The following GPD1L variants were observed in gnomAD, a reference collection of about 807,000 sequenced individuals.
GPD1L encodes the protein glycerol-3-phosphate dehydrogenase 1 like, also known as glycerol-3-phosphate dehydrogenase 1-like protein.
GPD1L carries 17 observed loss-of-function variants against 32.9 expected under a neutral mutation model. That is an observed-to-expected ratio of 0.52 (90% CI 0.35 to 0.78). GPD1L has a LOEUF of 0.78. GPD1L is among the 30% of genes least tolerant of loss of function. GPD1L has a pLI of 0.01. For synonymous variants in GPD1L, 187 were observed against 165.9 expected, an observed-to-expected ratio of 1.13 and a Z score of -0.98; for missense variants, 361 against 447.8, an observed-to-expected ratio of 0.81 and a Z score of 1.75.
rs549339926 is a variant in GPD1L at position 32,131,994 on chromosome 3, T to A, written c.225+3741T>A. 3.9e-5 allele frequency among the ~76,000 whole-genome samples: 6 copies of A among 152,362 alleles called. No homozygotes were observed. In the South Asian group the frequency reaches 1.2e-3, roughly 32 times the overall value. On this transcript the variant is annotated intron_variant, in intron 2 of 7. Coordinates refer to ENST00000282541, the MANE Select transcript of GPD1L (RefSeq NM_015141.4). Reference sequence around the variant, plus strand: ...AACCATGTTGAGCATCTTGTGCTTATTGTCACTTGTATATCTTTGGAGAAA... The same window carrying A: ...AACCATGTTGAGCATCTTGTGCTTAATGTCACTTGTATATCTTTGGAGAAA...
At position 32,166,172 on chromosome 3, in the gene GPD1L, T is replaced by C; in HGVS notation, c.*262T>C. 1 of 507,732 alleles carries C rather than the reference T, an allele frequency of 2.0e-6. No homozygotes were observed. The highest frequency in any genetic ancestry group is 3.6e-6 in the Non-Finnish European group (1 of 281,568). 31.5% of individuals were successfully genotyped at this position (507,732 alleles called of 1,614,324 possible). A position where few individuals can be genotyped will look rare whatever the true frequency, so the allele number is the denominator to read the frequency against. ...TGTTTCTATGAGCCAAAATTTGATG[T>C]CTTTTTTTCAAAATTGCTTATGAAA... On this transcript the variant is annotated 3_prime_UTR_variant, in exon 8 of 8. Coordinates refer to ENST00000282541, the MANE Select transcript of GPD1L (RefSeq NM_015141.4).
intron 5 of GPD1L, among the ~76,000 whole-genome samples, chr3:32,153,230 C>G (rs1014914276): frequency 9.2e-5 from 14 of 152,136 alleles, no homozygotes; most frequent in African/African-American, 3.1e-4. Context: ...AGGGCCACTG[C>G]TCGCCCAAAA....
intron 1 of GPD1L, among the ~76,000 whole-genome samples, chr3:32,112,540 G>A (rs1280664446): frequency 6.6e-6 from 1 of 152,170 alleles, no homozygotes; most frequent in Non-Finnish European, 1.5e-5. Context: ...GGGAGGCTAA[G>A]GCAGGAGAAT....
At chr3:32,120,007 G>A (rs1700386581) in intron 1 of GPD1L, among the ~76,000 whole-genome samples, 1 of 152,180 alleles carries the variant, frequency 6.6e-6, no homozygotes. Context: ...TTTAAAGAGA[G>A]TTTAATTAAG....
intron 4 of GPD1L, among the ~76,000 whole-genome samples, chr3:32,144,612 G>A (rs897520880): frequency 1.3e-5 from 2 of 152,086 alleles, no homozygotes; most frequent in Non-Finnish European, 2.9e-5. Flanking sequence ...ATGGCTGTCC[G>A]GCATTAGCTG....
At chr3:32,121,521 C>A (rs28532139) in intron 1 of GPD1L, among the ~76,000 whole-genome samples, 5,124 of 36,644 alleles carry the variant, frequency 0.14, 922 homozygotes, top group African/African-American at 0.38. Context: ...ATATTTCTCT[C>A]TATATATATT....
chr3:32,146,179 T>C (rs1700821504), intron 4 of GPD1L, among the ~76,000 whole-genome samples: 2 of 150,758 alleles, frequency 1.3e-5, no homozygotes, highest in African/African-American at 4.9e-5. Context: ...CTCCACCTCC[T>C]GGGTTCAAGC....
chr3:32,153,142 G>C lies in GPD1L; in HGVS notation c.619-5734G>C, dbSNP rs113106984. ...GGGCTGTTCTGCAGTTCTAATTGCT[G>C]GGCATGTAGGTTTGCTCCAGGGCTT... On this transcript the variant is annotated intron_variant, in intron 5 of 7. Coordinates refer to ENST00000282541, the MANE Select transcript of GPD1L (RefSeq NM_015141.4). Among the ~76,000 whole-genome samples, 1,053 of 152,292 alleles carry C rather than the reference G, an allele frequency of 6.9e-3. 6 individuals are homozygous for C. The highest frequency in any genetic ancestry group is 0.014 in the Middle Eastern group (4 of 294).
chr3:32,164,904 G>A (rs1290919155), intron 7 of GPD1L, among the ~76,000 whole-genome samples: 2 of 152,130 alleles, frequency 1.3e-5, no homozygotes, highest in Non-Finnish European at 2.9e-5. Flanking sequence ...AGCTATGTGT[G>A]TGTGTGTATT....
At chr3:32,116,619 G>T (rs189778773) in intron 1 of GPD1L, among the ~76,000 whole-genome samples, 1 of 152,034 alleles carries the variant, frequency 6.6e-6, no homozygotes, top group Non-Finnish European at 1.5e-5. Flanking sequence ...TTGGGGTGGG[G>T]ACTGACAGCA....
intron 5 of GPD1L, chr3:32,158,309 A>AG (rs1701022284): frequency 6.2e-6 from 1 of 161,068 alleles, no homozygotes; most frequent in Non-Finnish European, 1.4e-5. Context: ...ATTCACAAAA[A>AG]GTTGAAAGGC....
chr3:32,121,828 T>A (rs1480075491), intron 1 of GPD1L, among the ~76,000 whole-genome samples: 1 of 150,126 alleles, frequency 6.7e-6, no homozygotes, highest in Non-Finnish European at 1.5e-5. Flanking sequence ...TGGAGTGCAG[T>A]GGTGTGATTT....
chr3:32,136,817 C>G (rs1443316290), intron 2 of GPD1L, among the ~76,000 whole-genome samples: 1 of 151,908 alleles, frequency 6.6e-6, no homozygotes, highest in African/African-American at 2.4e-5. Context: ...TCAGTGTGAT[C>G]AAGGCTAAGT....
At chr3:32,155,929 G>A (rs1415712311) in intron 5 of GPD1L, among the ~76,000 whole-genome samples, 5 of 152,118 alleles carry the variant, frequency 3.3e-5, no homozygotes, top group Non-Finnish European at 7.4e-5. Flanking sequence ...TCTCCTTGTA[G>A]CCTCCTTAGT....
At chr3:32,130,467 G>C (rs1244703923) in intron 2 of GPD1L, among the ~76,000 whole-genome samples, 1 of 152,096 alleles carries the variant, frequency 6.6e-6, no homozygotes, top group Non-Finnish European at 1.5e-5. Flanking sequence ...GCTGTCATTT[G>C]ATGTGCTGAC....
chr3:32,123,127 C>T (rs1330118074), intron 1 of GPD1L, among the ~76,000 whole-genome samples: 1 of 152,016 alleles, frequency 6.6e-6, no homozygotes, highest in Non-Finnish European at 1.5e-5. Flanking sequence ...GTCTCAAACT[C>T]CTGGGCTCAA....
chr3:32,143,855 G>T (rs13433838), intron 4 of GPD1L, among the ~76,000 whole-genome samples: 4 of 152,100 alleles, frequency 2.6e-5, no homozygotes, highest in African/African-American at 9.7e-5. Context: ...GGTGGTGCAC[G>T]CCTATGGTCC....
chr3:32,156,848 C>A (rs971949988), intron 5 of GPD1L, among the ~76,000 whole-genome samples: 11 of 152,164 alleles, frequency 7.2e-5, no homozygotes, highest in African/African-American at 2.7e-4. Context: ...AAAAGTTATT[C>A]TTTCACTATA....
intron 5 of GPD1L, among the ~76,000 whole-genome samples, chr3:32,147,215 G>A (rs911942317): frequency 2.4e-5 from 1 of 41,602 alleles, no homozygotes; most frequent in Non-Finnish European, 3.5e-5. Flanking sequence ...TTGCCCTCAA[G>A]AGAGAGAAGA....
Sources: allele counts gnomAD v4.1 joint callset (sites outside exome capture counted in the v4.1 genomes callset), GRCh38; gene constraint gnomAD v4.1.1; transcripts MANE v1.5; gene names NCBI Gene and HGNC (gene_info 2026-07-23, HGNC 2026-07-21).